Variants in FAR2 observed in about 807,000 individuals in gnomAD.
FAR2 encodes the protein fatty acyl-CoA reductase 2, also known as epididymis secretory protein Li 81.
Under a neutral mutation model 56.0 loss-of-function variants are expected in FAR2, and 19 were observed. The ratio of observed to expected loss-of-function variants is 0.34; its 90% CI spans 0.24 to 0.50. The LOEUF is 0.50. FAR2 is among the 20% of genes least tolerant of loss of function. The pLI, the probability that FAR2 is intolerant of heterozygous loss-of-function variation, is 0.98. For missense variants in FAR2, 508 were observed against 642.2 expected, an observed-to-expected ratio of 0.79 and a Z score of 2.26; for synonymous variants, 219 against 218.8, an observed-to-expected ratio of 1.00 and a Z score of -0.01.
At chr12:29,274,004 CTG>C (rs1004282552) in intron 2 of FAR2, among the ~76,000 whole-genome samples, 2 of 152,146 alleles carry the variant, frequency 1.3e-5, no homozygotes, top group African/African-American at 4.8e-5. Flanking sequence ...CTGGATAACT[CTG>C]TTGCTGGCGA....
At chr12:29,165,084 TG>T (rs1476240202) in intron 1 of FAR2, among the ~76,000 whole-genome samples, 18 of 152,206 alleles carry the variant, frequency 1.2e-4, no homozygotes, top group Non-Finnish European at 2.4e-4. Context: ...TAGCTGAAGT[TG>T]CTGAATATTT....
chr12:29,207,641 G>T (rs896677440), intron 1 of FAR2, among the ~76,000 whole-genome samples: 1 of 152,054 alleles, frequency 6.6e-6, no homozygotes, highest in Admixed American at 6.5e-5. Context: ...CCTGGGTAAA[G>T]TTATGATCAT....
chr12:29,269,280 G>T (rs896597160), intron 1 of FAR2, among the ~76,000 whole-genome samples: 3 of 152,116 alleles, frequency 2.0e-5, no homozygotes, highest in African/African-American at 7.2e-5. Flanking sequence ...CTGAGAAAAA[G>T]AATTCAGCAA....
At chr12:29,212,118 T>G (rs1947557102) in intron 1 of FAR2, among the ~76,000 whole-genome samples, 1 of 151,924 alleles carries the variant, frequency 6.6e-6, no homozygotes, top group Non-Finnish European at 1.5e-5. Context: ...TTCAGAAATA[T>G]TTTATCCTAT....
At chr12:29,230,174 A>G (rs930202866) in intron 1 of FAR2, among the ~76,000 whole-genome samples, 1 of 152,198 alleles carries the variant, frequency 6.6e-6, no homozygotes, top group Non-Finnish European at 1.5e-5. Context: ...GAAACAGATG[A>G]CGTAAACTAC....
At chr12:29,175,704 G>T (rs139024823) in intron 1 of FAR2, among the ~76,000 whole-genome samples, 1 of 152,162 alleles carries the variant, frequency 6.6e-6, no homozygotes, top group Non-Finnish European at 1.5e-5. Flanking sequence ...TAGACACAGA[G>T]TGCTGATTTG....
intron 1 of FAR2, among the ~76,000 whole-genome samples, chr12:29,253,761 C>T (rs778769521): frequency 6.6e-6 from 1 of 152,096 alleles, no homozygotes; most frequent in Non-Finnish European, 1.5e-5. Flanking sequence ...GTTTGACTTA[C>T]CTTTTACAAA....
chr12:29,157,694 A>G (rs1385189848), intron 1 of FAR2, among the ~76,000 whole-genome samples: 4 of 152,184 alleles, frequency 2.6e-5, no homozygotes, highest in African/African-American at 7.2e-5. Flanking sequence ...ATCGTGCACT[A>G]TTTATCACAG....
intron 1 of FAR2, among the ~76,000 whole-genome samples, chr12:29,186,979 G>T (rs978717028): frequency 1.3e-5 from 2 of 151,878 alleles, no homozygotes; most frequent in Non-Finnish European, 2.9e-5. Flanking sequence ...TAGTAGAGAC[G>T]GGGTTTCACC....
intron 2 of FAR2, among the ~76,000 whole-genome samples, chr12:29,292,489 G>T (rs3782506): frequency 0.3 from 45,725 of 151,998 alleles, 6,996 homozygotes; most frequent in East Asian, 0.35. Context: ...CTATCAAGAG[G>T]GAAAACATCT....
chr12:29,205,605 A>G lies in FAR2; in HGVS notation c.-39+56198A>G, dbSNP rs547799275. On this transcript the variant is annotated intron_variant, in intron 1 of 11. Coordinates refer to ENST00000536681, the MANE Select transcript of FAR2 (RefSeq NM_001271783.2). Reference sequence around the variant, plus strand: ...ACAGGTTCTGAAGACAAGGAGGCCAATGAAATGGAAAAAAAGCTTCATGGT... The same window carrying G: ...ACAGGTTCTGAAGACAAGGAGGCCAGTGAAATGGAAAAAAAGCTTCATGGT... 3.3e-5 allele frequency among the ~76,000 whole-genome samples: 5 copies of G among 152,328 alleles called. No individual in the cohort carries two copies. The East Asian group carries it at 7.7e-4, about 24-fold the overall frequency.
At chr12:29,272,529 TCTAA>T (rs1703038931) in intron 2 of FAR2, among the ~76,000 whole-genome samples, 1 of 152,222 alleles carries the variant, frequency 6.6e-6, no homozygotes, top group South Asian at 2.1e-4. Flanking sequence ...TAGCAATTCC[TCTAA>T]CTTTTTATCA....
In FAR2 at chr12:29,250,672, A is replaced by G. The variant is rs78273236; in HGVS notation, c.-38-19740A>G. 6.7e-3 allele frequency among the ~76,000 whole-genome samples: 1,017 copies of G among 152,330 alleles called. 11 individuals are homozygous for G. The highest frequency in any genetic ancestry group is 0.022 in the African/African-American group (925 of 41,578). On this transcript the variant is annotated intron_variant, in intron 1 of 11. Transcript: ENST00000536681. ...ATCAAATCAATACAACTCCCTTTCC[A>G]TCAATAAGTATTTTACATTTAGCTG...
At chr12:29,269,075 A>G (rs528835827) in intron 1 of FAR2, among the ~76,000 whole-genome samples, 27 of 152,272 alleles carry the variant, frequency 1.8e-4, no homozygotes, top group African/African-American at 6.0e-4. Context: ...AGGAGACAGG[A>G]TTTTGACAGC....
intron 1 of FAR2, among the ~76,000 whole-genome samples, chr12:29,258,980 C>G (rs1948373511): frequency 6.6e-6 from 1 of 152,076 alleles, no homozygotes; most frequent in Non-Finnish European, 1.5e-5. Flanking sequence ...GTGTAATTTG[C>G]TTGGGTCTAT....
chr12:29,293,314 C>T lies in FAR2; in HGVS notation c.204C>T (p.Val68=). The change falls in exon 3 of 12, where the codon GTC becomes GTT. Residue 68 remains valine, a synonymous_variant. Coordinates refer to ENST00000536681, the MANE Select transcript of FAR2 (RefSeq NM_001271783.2). Reference sequence around the variant, plus strand: ...TTATGTTTCAGCTATTTGAGAAAGTCAAAGAAGTTTGTCCAAATGTGCATG... The same window carrying T: ...TTATGTTTCAGCTATTTGAGAAAGTTAAAGAAGTTTGTCCAAATGTGCATG... ...QILDSKLFEK[V]KEVCPNVHEK... is the part of the protein sequence containing the mutation. The T allele has an allele frequency of 1.3e-6, 2 of 1,578,084 alleles. No homozygotes were observed. The highest frequency in any genetic ancestry group is 1.7e-6 in the Non-Finnish European group (2 of 1,165,346).
intron 7 of FAR2, 44 bp from the exon 8 acceptor site, chr12:29,311,839 T>C: frequency 7.3e-7 from 1 of 1,364,268 alleles, no homozygotes; most frequent in South Asian, 1.2e-5. Context: ...TCTCATTAGT[T>C]TTCTATTTTG....
chr12:29,237,919 C>T (rs1024905154), intron 1 of FAR2, among the ~76,000 whole-genome samples: 5 of 152,032 alleles, frequency 3.3e-5, no homozygotes, highest in South Asian at 2.1e-4. Context: ...TGTCAATATT[C>T]GGAAGAGCTG....
chr12:29,251,001 G>A (rs1428691694), intron 1 of FAR2, among the ~76,000 whole-genome samples: 1 of 152,214 alleles, frequency 6.6e-6, no homozygotes, highest in Non-Finnish European at 1.5e-5. Context: ...AGGTGGGCAT[G>A]TTACTGTAAT....
Sources: gnomAD v4.1 joint callset for allele counts (sites outside exome capture counted in the v4.1 genomes callset) on GRCh38, gnomAD v4.1.1 for gene constraint, MANE v1.5 for transcripts, NCBI Gene and HGNC (gene_info 2026-07-23, HGNC 2026-07-21) for gene names.